DLG2: variants seen among roughly 807,000 people sequenced by gnomAD.
DLG2 encodes the protein discs large MAGUK scaffold protein 2.
Under a neutral mutation model 132.5 loss-of-function variants are expected in DLG2, and 45 were observed. The ratio of observed to expected loss-of-function variants is 0.34; its 90% CI spans 0.27 to 0.44. The LOEUF (loss-of-function observed/expected upper bound fraction) is 0.44. DLG2 is among the 20% of genes least tolerant of loss of function. The pLI, the probability that DLG2 is intolerant of heterozygous loss-of-function variation, is 1.00. For missense variants in DLG2, 1,045 were observed against 1,196.9 expected, an observed-to-expected ratio of 0.87 and a Z score of 1.87; for synonymous variants, 424 against 419.6, an observed-to-expected ratio of 1.01 and a Z score of -0.13.
intron 7 of DLG2, among the ~76,000 whole-genome samples, chr11:84,415,430 G>T (rs1194915158): frequency 1.3e-5 from 2 of 152,128 alleles, no homozygotes; most frequent in African/African-American, 4.8e-5. Context: ...CACTAATATA[G>T]AAGTTTTCTA....
At chr11:83,848,602 A>G (rs2059101189) in intron 16 of DLG2, among the ~76,000 whole-genome samples, 1 of 152,172 alleles carries the variant, frequency 6.6e-6, no homozygotes, top group African/African-American at 2.4e-5. Context: ...TCTTTAATTC[A>G]GAAATGCCTC....
Position 84,666,514 on chromosome 11 carries a change from T to A in DLG2, c.358-131783A>T, listed in dbSNP as rs183625073. Among the ~76,000 whole-genome samples, 26 of 152,154 alleles carry A rather than the reference T, an allele frequency of 1.7e-4. No individual in the cohort carries two copies. The East Asian group carries it at 4.8e-3, about 28-fold the overall frequency. On this transcript the variant is annotated intron_variant, in intron 6 of 27. Coordinates refer to ENST00000376104, the MANE Select transcript of DLG2 (RefSeq NM_001142699.3). ...TATGTATATGTATATACACACCCCA[T>A]ATTGGTTCTGTTTCTCTGGAGAAGT...
intron 15 of DLG2, among the ~76,000 whole-genome samples, chr11:83,927,081 AC>A (rs1190233151): frequency 5.9e-5 from 9 of 152,140 alleles, no homozygotes; most frequent in Admixed American, 5.9e-4. Context: ...AGTTTTATAT[AC>A]CTACTAAGAA....
At chr11:85,355,755 A>G (rs1317437630) in intron 3 of DLG2, among the ~76,000 whole-genome samples, 1 of 152,136 alleles carries the variant, frequency 6.6e-6, no homozygotes, top group Admixed American at 6.6e-5. Flanking sequence ...ATATATAACC[A>G]TATATATAGG....
At chr11:85,558,870 T>A (rs561833456) in intron 3 of DLG2, among the ~76,000 whole-genome samples, 1 of 151,910 alleles carries the variant, frequency 6.6e-6, no homozygotes, top group African/African-American at 2.4e-5. Flanking sequence ...GGATCAATCA[T>A]ACCTCAAACC....
intron 3 of DLG2, among the ~76,000 whole-genome samples, chr11:85,481,472 C>T (rs2093287584): frequency 6.6e-6 from 1 of 152,172 alleles, no homozygotes; most frequent in Non-Finnish European, 1.5e-5. Flanking sequence ...TTTACATTAC[C>T]CATTTCACCC....
intron 9 of DLG2, among the ~76,000 whole-genome samples, chr11:84,151,356 T>C (rs923352315): frequency 6.6e-6 from 1 of 152,176 alleles, no homozygotes; most frequent in Non-Finnish European, 1.5e-5. Flanking sequence ...ATCACAACAG[T>C]CTCTGAGGAT....
intron 9 of DLG2, among the ~76,000 whole-genome samples, chr11:84,157,937 T>G (rs1317585193): frequency 6.6e-6 from 1 of 152,176 alleles, no homozygotes; most frequent in African/African-American, 2.4e-5. Flanking sequence ...TTCTTTTCTT[T>G]TAATGTCACC....
intron 4 of DLG2, among the ~76,000 whole-genome samples, chr11:85,279,969 A>G (rs2078130059): frequency 6.6e-6 from 1 of 152,166 alleles, no homozygotes; most frequent in East Asian, 1.9e-4. Context: ...TTATATTCAC[A>G]TAATGCTTTT....
chr11:85,152,941 G>C (rs1050471408), intron 5 of DLG2, among the ~76,000 whole-genome samples: 1 of 152,134 alleles, frequency 6.6e-6, no homozygotes, highest in Non-Finnish European at 1.5e-5. Flanking sequence ...ACAGAGTCTA[G>C]CCAAAGTATC....
chr11:85,386,576 C>CA (rs2086344933), intron 3 of DLG2, among the ~76,000 whole-genome samples: 1 of 151,746 alleles, frequency 6.6e-6, no homozygotes, highest in Non-Finnish European at 1.5e-5. Flanking sequence ...CACATAGGTA[C>CA]ATGACAAATA....
rs2078134822 is a variant in DLG2 at position 85,162,768 on chromosome 11, T to G, written c.187-8117A>C. On this transcript the variant is annotated intron_variant, in intron 4 of 27. Transcript: ENST00000376104. Reference sequence around the variant, plus strand: ...CTTATTATTGTCTTTATTTGAAGATTATGTATGATCTCAGGAGATGTACGT... The same window carrying G: ...CTTATTATTGTCTTTATTTGAAGATGATGTATGATCTCAGGAGATGTACGT... 2.0e-5 allele frequency among the ~76,000 whole-genome samples: 3 copies of G among 152,308 alleles called. No homozygotes were observed. In the South Asian group the frequency reaches 6.2e-4, roughly 32 times the overall value.
chr11:84,084,224 C>A (rs1573574), intron 10 of DLG2, among the ~76,000 whole-genome samples: 113,242 of 152,054 alleles, frequency 0.74, 43,914 homozygotes, highest in Middle Eastern at 0.89. Flanking sequence ...GGAGCTGGGG[C>A]TAGAAAACGA....
chr11:85,399,827 C>T (rs1392948455), intron 3 of DLG2, among the ~76,000 whole-genome samples: 3 of 151,962 alleles, frequency 2.0e-5, no homozygotes, highest in African/African-American at 7.3e-5. Flanking sequence ...CCATAAAAAC[C>T]CTAGAAGAAA....
At chr11:85,149,125 A>T (rs2077055147) in intron 5 of DLG2, among the ~76,000 whole-genome samples, 1 of 152,154 alleles carries the variant, frequency 6.6e-6, no homozygotes, top group Admixed American at 6.5e-5. Flanking sequence ...TTTTGGTACC[A>T]GTACCATGCT....
At chr11:84,666,617 C>T (rs2099700014) in intron 6 of DLG2, among the ~76,000 whole-genome samples, 1 of 151,946 alleles carries the variant, frequency 6.6e-6, no homozygotes, top group African/African-American at 2.4e-5. Flanking sequence ...AAGTACTCAC[C>T]AAACAACTAG....
At chr11:84,534,909 G>T in intron 6 of DLG2, 178 bp from the exon 7 acceptor site, 1 of 758,342 alleles carries the variant, frequency 1.3e-6, no homozygotes, top group Non-Finnish European at 2.4e-6. Flanking sequence ...TCAAATGCAA[G>T]CAGAACTGAG....
chr11:83,703,459 G>C (rs1458593199), intron 18 of DLG2, among the ~76,000 whole-genome samples: 2 of 152,160 alleles, frequency 1.3e-5, no homozygotes, highest in Non-Finnish European at 2.9e-5. Flanking sequence ...AGACCAGCCT[G>C]ACCAACATGG....
intron 18 of DLG2, among the ~76,000 whole-genome samples, chr11:83,772,391 G>A (rs993066934): frequency 1.4e-5 from 2 of 144,362 alleles, no homozygotes; most frequent in Non-Finnish European, 3.0e-5. Context: ...GCCTGGGTGA[G>A]AGAGCAAGAC....
Sources: gnomAD v4.1 joint callset for allele counts (sites outside exome capture counted in the v4.1 genomes callset) on GRCh38, gnomAD v4.1.1 for gene constraint, MANE v1.5 for transcripts, NCBI Gene and HGNC (gene_info 2026-07-23, HGNC 2026-07-21) for gene names.